The following SOS1 variants were observed in gnomAD, a reference collection of about 807,000 sequenced individuals.
The protein encoded by SOS1 is SOS Ras/Rac guanine nucleotide exchange factor 1, also known as son of sevenless homolog 1.
SOS1 carries 25 observed loss-of-function variants against 157.6 expected under a neutral mutation model. The observed-to-expected ratio is 0.16, with a 90% CI of 0.12 to 0.22. The LOEUF (loss-of-function observed/expected upper bound fraction) is 0.22, where lower values mean the gene tolerates loss of function less well. Among genes scored for constraint, SOS1 ranks in the 10% least tolerant of loss-of-function variants. The pLI is 1.00. For synonymous variants in SOS1, 528 were observed against 534.0 expected, an observed-to-expected ratio of 0.99 and a Z score of 0.16; for missense variants, 1,237 against 1,599.1, an observed-to-expected ratio of 0.77 and a Z score of 3.86.
chr2:39,007,379 T>C (rs1558466355), intron 15 of SOS1, 186 bp from the exon 16 acceptor site: 2 of 593,498 alleles, frequency 3.4e-6, no homozygotes, highest in Non-Finnish European at 5.9e-6. Flanking sequence ...CATACTGCTC[T>C]TTCCCGTCTT....
intron 8 of SOS1, chr2:39,034,924 A>G: frequency 1.9e-6 from 1 of 519,650 alleles, no homozygotes; most frequent in Middle Eastern, 2.9e-4. Flanking sequence ...TAAAGGTACA[A>G]GACAAAAATA....
upstream of SOS1, among the ~76,000 whole-genome samples, chr2:39,122,986 G>A (rs1053274192): frequency 3.3e-5 from 5 of 152,038 alleles, no homozygotes; most frequent in African/African-American, 1.2e-4. Flanking sequence ...ACTTCTTACC[G>A]TACCCCACAA....
At chr2:39,045,273 A>AGAGAGAGAGTGTGTGT (rs138343013) in intron 6 of SOS1, among the ~76,000 whole-genome samples, 1 of 108,090 alleles carries the variant, frequency 9.3e-6, no homozygotes, top group South Asian at 3.3e-4. Flanking sequence ...AGAGAGAGAG[A>AGAGAGAGAGTGTGTGT]GTGTGTGTGT....
At chr2:39,104,401 G>A (rs1287214058) in intron 1 of SOS1, among the ~76,000 whole-genome samples, 1 of 152,190 alleles carries the variant, frequency 6.6e-6, no homozygotes, top group Non-Finnish European at 1.5e-5. Flanking sequence ...TTACTGGTTA[G>A]AGAAATACAA....
intron 19 of SOS1, among the ~76,000 whole-genome samples, chr2:38,996,694 T>TA (rs760756542): frequency 3.6e-4 from 55 of 152,202 alleles, no homozygotes; most frequent in Non-Finnish European, 7.1e-4. Flanking sequence ...ATTAAAAACT[T>TA]ACATAATATT....
chr2:39,054,938 A>G lies in SOS1; in HGVS notation c.511-115T>C, dbSNP rs2060987. 609,018 of 668,980 alleles carry G rather than the reference A, an allele frequency of 0.91. 277,746 individuals carry two copies. Among genetic ancestry groups the G allele is most frequent in the African/African-American group, 0.97 (53,283 of 54,882 alleles). The allele number at this position is 668,980 out of a possible 1,614,324, so 41.4% of individuals were successfully genotyped here. A position where few individuals can be genotyped will look rare whatever the true frequency, so the allele number is the denominator to read the frequency against. ...TCTTAAATGATAAAAAAGCAGACAAACAAATTTCTCTTCTTGGATATATTG... is the reference window on the plus strand; with the variant it reads ...TCTTAAATGATAAAAAAGCAGACAAGCAAATTTCTCTTCTTGGATATATTG... On this transcript the variant is annotated intron_variant, in intron 4 of 22. Coordinates refer to ENST00000402219, the MANE Select transcript of SOS1 (RefSeq NM_005633.4).
At chr2:39,105,029 T>TA (rs1188573761) in intron 1 of SOS1, among the ~76,000 whole-genome samples, 6 of 151,494 alleles carry the variant, frequency 4.0e-5, no homozygotes, top group African/African-American at 1.2e-4. Context: ...TTCACCACAA[T>TA]AAAAAAAATC....
chr2:39,073,986 G>A (rs1671874903), intron 1 of SOS1, among the ~76,000 whole-genome samples: 3 of 152,166 alleles, frequency 2.0e-5, no homozygotes, highest in Non-Finnish European at 4.4e-5. Context: ...GTCAATGTTT[G>A]ATGCTTTAGG....
chr2:39,123,797 A>T (rs1211736976), upstream of SOS1, among the ~76,000 whole-genome samples: 2 of 152,212 alleles, frequency 1.3e-5, no homozygotes, highest in East Asian at 3.8e-4. Flanking sequence ...AGGACTACAT[A>T]ATCAACGTTG....
chr2:39,056,904 T>C lies in SOS1; in HGVS notation c.346-38A>G, dbSNP rs369359718. ...AAGAAAAGCATGTTTAAACATCATA[T>C]ACTGTACATTTAACACACTGATTAA... On this transcript the variant is annotated intron_variant, in intron 3 of 22. Transcript: ENST00000402219. 132 of 1,371,408 alleles carry C rather than the reference T, an allele frequency of 9.6e-5. 1 individual carries two copies. The African/African-American group carries it at 1.6e-3, about 16-fold the overall frequency. The allele number at this position is 1,371,408 out of a possible 1,614,324, so 85.0% of individuals were successfully genotyped here.
chr2:39,032,059 C>A (rs1670177916), intron 8 of SOS1, among the ~76,000 whole-genome samples: 2 of 152,196 alleles, frequency 1.3e-5, no homozygotes, highest in Middle Eastern at 3.4e-3. Flanking sequence ...ATAATAGGAT[C>A]TTTTGATAGA....
At chr2:39,005,731 G>A (rs1017506648) in intron 17 of SOS1, among the ~76,000 whole-genome samples, 4 of 151,864 alleles carry the variant, frequency 2.6e-5, no homozygotes, top group Admixed American at 1.3e-4. Context: ...AAGGCTAGAA[G>A]AAACTATAGC....
chr2:39,024,305 T>G (rs1272045073), intron 8 of SOS1, among the ~76,000 whole-genome samples, 168 bp from the exon 9 acceptor site: 1 of 152,170 alleles, frequency 6.6e-6, no homozygotes, highest in Non-Finnish European at 1.5e-5. Flanking sequence ...TTACTATTAA[T>G]ACACAACCAA....
At chr2:39,004,293 C>T (rs914662728) in intron 17 of SOS1, among the ~76,000 whole-genome samples, 1 of 151,260 alleles carries the variant, frequency 6.6e-6, no homozygotes, top group African/African-American at 2.4e-5. Flanking sequence ...GTGGTGGGCG[C>T]CTGTAGTCCC....
At position 39,090,139 on chromosome 2, in the gene SOS1, C is replaced by CA. The variant is rs10598316; in HGVS notation, c.88-22387dup. Among the ~76,000 whole-genome samples, 115 of 110,896 alleles carry CA rather than the reference C, an allele frequency of 1.0e-3. 1 individual carries two copies. The highest frequency in any genetic ancestry group is 8.7e-3 in the Middle Eastern group (2 of 230). 72.8% of individuals were successfully genotyped at this position (110,896 alleles called of 152,430 possible). On this transcript the variant is annotated intron_variant, in intron 1 of 22. Coordinates refer to ENST00000402219, the MANE Select transcript of SOS1 (RefSeq NM_005633.4). ...TGGGCAACAGAGTGAGACCCTGTCT[C>CA]AAAAAAAAAAAAAAAAAACACTCTG... is the stretch of plus-strand genomic sequence containing the variant.
Position 39,007,150 on chromosome 2 carries a change from C to T in SOS1, c.2554G>A (p.Val852Met). 1 of 1,605,452 alleles carries T rather than the reference C, an allele frequency of 6.2e-7. No homozygotes were observed. The highest frequency in any genetic ancestry group is 8.5e-7 in the Non-Finnish European group (1 of 1,172,332). ...TENLEERVAV[V>M]SRIIEILQVF... Reference sequence around the variant, plus strand: ...TGTAGAATCTCAATAATTCGACTCACCACAGCTACTCTTTCTTCTAAATTT... The same window carrying T: ...TGTAGAATCTCAATAATTCGACTCATCACAGCTACTCTTTCTTCTAAATTT... Residue 852 changes from valine to methionine, a missense_variant, in exon 16 of 23, where the codon GTG becomes ATG. Transcript: ENST00000402219.
chr2:39,095,707 C>T (rs1045116542), intron 1 of SOS1, among the ~76,000 whole-genome samples: 2 of 152,172 alleles, frequency 1.3e-5, no homozygotes, highest in African/African-American at 2.4e-5. Flanking sequence ...TTCAGTTCCA[C>T]ATATTCTGAA....
At chr2:39,079,414 G>A (rs926596332) in intron 1 of SOS1, among the ~76,000 whole-genome samples, 1 of 151,194 alleles carries the variant, frequency 6.6e-6, no homozygotes, top group Non-Finnish European at 1.5e-5. Flanking sequence ...CTAAAACTCA[G>A]CTATTACCTC....
intron 6 of SOS1, among the ~76,000 whole-genome samples, chr2:39,045,353 G>C (rs1301182834): frequency 1.4e-5 from 2 of 147,352 alleles, no homozygotes; most frequent in Non-Finnish European, 3.0e-5. Context: ...TTTTTTGTTT[G>C]ATCTTTTAAT....
Sources: allele counts gnomAD v4.1 joint callset (sites outside exome capture counted in the v4.1 genomes callset), GRCh38; gene constraint gnomAD v4.1.1; transcripts MANE v1.5; gene names NCBI Gene and HGNC (gene_info 2026-07-23, HGNC 2026-07-21).